Variants in CSMD1 observed in about 807,000 individuals in gnomAD.
The protein encoded by CSMD1 is CUB and sushi domain-containing protein 1.
In CSMD1, 213 loss-of-function variants were observed where a neutral mutation model predicts 417.5. The observed-to-expected ratio is 0.51, with a 90% confidence interval of 0.46 to 0.57. The LOEUF (loss-of-function observed/expected upper bound fraction) is 0.57, where lower values mean the gene tolerates loss of function less well. Among genes scored for constraint, CSMD1 ranks in the 20% least tolerant of loss-of-function variants. CSMD1 has a pLI of 0.00. For synonymous variants in CSMD1, 2,862 were observed against 1,736.8 expected, an observed-to-expected ratio of 1.65 and a Z score of -16.11; for missense variants, 6,923 against 4,529.7, an observed-to-expected ratio of 1.53 and a Z score of -15.17.
At chr8:4,028,084 T>G (rs1055995588) in intron 4 of CSMD1, among the ~76,000 whole-genome samples, 30 of 151,862 alleles carry the variant, frequency 2.0e-4, no homozygotes, top group African/African-American at 6.3e-4. Context: ...AGATGAAAAG[T>G]AATTAATAAG....
chr8:4,917,933 G>C lies in CSMD1; in HGVS notation c.85+76399C>G, dbSNP rs1045463552. The stretch of plus-strand genomic sequence containing the variant: ...GCTCTTAAGGCATTTACAATCAGAA[G>C]TTGATACAGAAAATATGCTAAGGTC... On this transcript the variant is annotated intron_variant, in intron 1 of 69. Coordinates refer to ENST00000635120, the MANE Select transcript of CSMD1 (RefSeq NM_033225.6). Among the ~76,000 whole-genome samples the C allele has an allele frequency of 4.6e-5, 7 of 152,276 alleles. No individual in the cohort carries two copies. In the South Asian group the frequency reaches 1.0e-3, roughly 23 times the overall value.
chr8:3,527,121 C>G (rs2117487037), intron 10 of CSMD1, among the ~76,000 whole-genome samples: 1 of 152,104 alleles, frequency 6.6e-6, no homozygotes, highest in South Asian at 2.1e-4. Flanking sequence ...CAGAAGAAGA[C>G]AACATATGAG....
At chr8:3,349,149 G>C (rs13248521) in intron 21 of CSMD1, among the ~76,000 whole-genome samples, 1 of 152,034 alleles carries the variant, frequency 6.6e-6, no homozygotes, top group African/African-American at 2.4e-5. Context: ...CCAAGCATCA[G>C]TTAGATGCCA....
intron 1 of CSMD1, among the ~76,000 whole-genome samples, chr8:4,927,701 G>C (rs948035490): frequency 6.6e-6 from 1 of 152,164 alleles, no homozygotes; most frequent in East Asian, 1.9e-4. Context: ...TAAGGGAGTA[G>C]ATATGTCAGA....
chr8:4,399,750 C>A (rs1346737959), intron 3 of CSMD1, among the ~76,000 whole-genome samples: 1 of 152,160 alleles, frequency 6.6e-6, no homozygotes, highest in Non-Finnish European at 1.5e-5. Context: ...TTTTATACAT[C>A]AGGCTCCTGA....
intron 2 of CSMD1, among the ~76,000 whole-genome samples, chr8:4,509,374 G>A (rs1004873222): frequency 1.3e-5 from 2 of 152,084 alleles, no homozygotes; most frequent in Admixed American, 6.6e-5. Context: ...TATTTGGTCT[G>A]GAACCATTTT....
chr8:3,837,083 A>C (rs1034164414), intron 5 of CSMD1, among the ~76,000 whole-genome samples: 4 of 152,038 alleles, frequency 2.6e-5, no homozygotes, highest in African/African-American at 9.7e-5. Context: ...AGAGCTAGGA[A>C]GAACGCTACC....
intron 50 of CSMD1, among the ~76,000 whole-genome samples, chr8:3,047,982 C>A (rs1010416978): frequency 2.6e-5 from 4 of 152,180 alleles, no homozygotes; most frequent in African/African-American, 9.7e-5. Flanking sequence ...GGTTCTTGTT[C>A]ATTTTGTCAA....
At chr8:3,553,681 C>T (rs941893561) in intron 10 of CSMD1, among the ~76,000 whole-genome samples, 2 of 152,004 alleles carry the variant, frequency 1.3e-5, no homozygotes, top group Non-Finnish European at 2.9e-5. Context: ...ATAGGGAAAC[C>T]AATTTTAGTA....
Position 4,420,008 on chromosome 8 carries a change from C to G in CSMD1, c.360G>C (p.Leu120=), listed in dbSNP as rs1221368966. 22 of 1,588,558 alleles carry G rather than the reference C, an allele frequency of 1.4e-5. No individual in the cohort carries two copies. The highest frequency in any genetic ancestry group is 1.8e-5 in the Non-Finnish European group (21 of 1,166,510). ...TCACAGCGAAGTCTGTCGTGAACCA[C>G]AGAGTGAGGATAGATCCTGTACTCA... ...SIVSTGSILT[L]WFTTDFAVSA... is the part of the protein sequence containing the mutation. Residue 120 remains leucine (L), a synonymous_variant, in exon 3 of 70, where the codon CTG becomes CTC. Coordinates refer to ENST00000635120, the MANE Select transcript of CSMD1 (RefSeq NM_033225.6).
intron 17 of CSMD1, among the ~76,000 whole-genome samples, chr8:3,388,734 G>GT (rs1414964748): frequency 2.6e-5 from 4 of 152,160 alleles, no homozygotes; most frequent in Non-Finnish European, 5.9e-5. Flanking sequence ...ACAACAGAAT[G>GT]TAACTGTCCT....
chr8:3,526,472 T>G lies in CSMD1; in HGVS notation c.1345-32746A>C, dbSNP rs186993451. ...AGATATATTACCAGAAGCTGGCTAT[T>G]CTGTAGAATTTGCTCTCTGGACCAA... is the stretch of plus-strand genomic sequence containing the variant. On this transcript the variant is annotated intron_variant, in intron 10 of 69. Transcript: ENST00000635120. 4.1e-3 allele frequency among the ~76,000 whole-genome samples: 626 copies of G among 152,258 alleles called. 8 individuals carry two copies. Among genetic ancestry groups the G allele is most frequent in the African/African-American group, 0.015 (613 of 41,542 alleles).
In CSMD1 at chr8:3,174,161, A is replaced by T. The variant is rs118176981; in HGVS notation, c.5725+6949T>A. ...TCAGCACAGCGAACTGCAGAAATTAATTCAGTTAGTTATATTATGTTCCCA... is the reference window on the plus strand; with the variant it reads ...TCAGCACAGCGAACTGCAGAAATTATTTCAGTTAGTTATATTATGTTCCCA... On this transcript the variant is annotated intron_variant, in intron 37 of 69. Coordinates refer to ENST00000635120, the MANE Select transcript of CSMD1 (RefSeq NM_033225.6). 5.6e-3 allele frequency among the ~76,000 whole-genome samples: 858 copies of T among 152,326 alleles called. 4 individuals are homozygous for T. The highest frequency in any genetic ancestry group is 9.4e-3 in the Non-Finnish European group (642 of 68,026).
chr8:4,176,315 T>C (rs1019523702), intron 3 of CSMD1, among the ~76,000 whole-genome samples: 2 of 152,162 alleles, frequency 1.3e-5, no homozygotes, highest in Non-Finnish European at 2.9e-5. Flanking sequence ...TTATCTATAT[T>C]GTTTGCTGAC....
intron 6 of CSMD1, among the ~76,000 whole-genome samples, chr8:3,713,289 T>C (rs914742312): frequency 6.6e-6 from 1 of 152,246 alleles, no homozygotes; most frequent in Admixed American, 6.5e-5. Flanking sequence ...ACTCACTTTC[T>C]GTAGGTTGTT....
intron 5 of CSMD1, among the ~76,000 whole-genome samples, chr8:3,925,937 A>AG (rs1211167383): frequency 6.6e-6 from 1 of 151,886 alleles, no homozygotes; most frequent in Non-Finnish European, 1.5e-5. Flanking sequence ...ACAGCAGCCA[A>AG]GCAGTAAAGG....
At chr8:4,760,364 G>T (rs889837790) in intron 1 of CSMD1, among the ~76,000 whole-genome samples, 26 of 152,092 alleles carry the variant, frequency 1.7e-4, no homozygotes, top group African/African-American at 6.3e-4. Context: ...GTGAATCGAG[G>T]ACATGTCTGC....
intron 7 of CSMD1, among the ~76,000 whole-genome samples, chr8:3,703,914 C>G (rs1801014930): frequency 6.6e-6 from 1 of 151,828 alleles, no homozygotes; most frequent in Admixed American, 6.6e-5. Flanking sequence ...ACTGAAAATA[C>G]AAAAAAATTA....
intron 4 of CSMD1, among the ~76,000 whole-genome samples, chr8:4,003,525 A>C (rs1236122979): frequency 2.0e-5 from 3 of 152,240 alleles, no homozygotes; most frequent in Non-Finnish European, 2.9e-5. Flanking sequence ...TTCTAGAACA[A>C]ACCAAAATTA....
Sources: allele counts gnomAD v4.1 joint callset (sites outside exome capture counted in the v4.1 genomes callset), GRCh38; gene constraint gnomAD v4.1.1; transcripts MANE v1.5; gene names NCBI Gene and HGNC (gene_info 2026-07-23, HGNC 2026-07-21).